The following B4GALT6 variants were observed in gnomAD, a reference collection of about 807,000 sequenced individuals.
B4GALT6 encodes UDP-Gal:beta-GlcNAc beta-1,4-galactosyltransferase 6.
In B4GALT6, 14 loss-of-function variants were observed where a neutral mutation model predicts 46.3. The observed-to-expected ratio is 0.30, with a 90% CI of 0.20 to 0.47. The LOEUF is 0.47. B4GALT6 is among the 20% of genes least tolerant of loss of function. The pLI, the probability that B4GALT6 is intolerant of heterozygous loss-of-function variation, is 0.99. For missense variants in B4GALT6, 386 were observed against 480.1 expected (o/e 0.80, Z 1.83); for synonymous variants, 168 against 162.0 (o/e 1.04, Z -0.28).
chr18:31,675,193 T>C (rs1254998817), intron 1 of B4GALT6, among the ~76,000 whole-genome samples: 1 of 152,246 alleles, frequency 6.6e-6, no homozygotes, highest in Non-Finnish European at 1.5e-5. Context: ...AATTTTAAGT[T>C]ATTTCTGGAG....
At chr18:31,649,740 GA>G (rs1286657740) in intron 3 of B4GALT6, among the ~76,000 whole-genome samples, 2 of 152,092 alleles carry the variant, frequency 1.3e-5, no homozygotes, top group African/African-American at 4.8e-5. Context: ...AGCCATTATT[GA>G]AAAGTGAAAA....
intron 4 of B4GALT6, among the ~76,000 whole-genome samples, chr18:31,642,099 G>C (rs2073936857): frequency 1.3e-5 from 2 of 152,190 alleles, no homozygotes; most frequent in Admixed American, 6.5e-5. Context: ...TCAAACTGGA[G>C]GCACTTGGTT....
chr18:31,679,822 G>T (rs1439136440), intron 1 of B4GALT6, among the ~76,000 whole-genome samples: 2 of 152,166 alleles, frequency 1.3e-5, no homozygotes, highest in African/African-American at 4.8e-5. Flanking sequence ...CTACCTGAAT[G>T]TCTAAGCTAG....
At chr18:31,679,694 T>A (rs1236192801) in intron 1 of B4GALT6, among the ~76,000 whole-genome samples, 1 of 152,220 alleles carries the variant, frequency 6.6e-6, no homozygotes, top group East Asian at 1.9e-4. Context: ...AGCACGCCCT[T>A]ACTTTCATCT....
chr18:31,689,485 C>G (rs1328068276), upstream of B4GALT6, among the ~76,000 whole-genome samples: 1 of 152,264 alleles, frequency 6.6e-6, no homozygotes, highest in East Asian at 1.9e-4. Flanking sequence ...TGGTTCATGC[C>G]TGTAATCCCA....
chr18:31,683,551 T>C (rs184062439), intron 1 of B4GALT6, among the ~76,000 whole-genome samples: 653 of 152,284 alleles, frequency 4.3e-3, no homozygotes, highest in Middle Eastern at 0.01. Flanking sequence ...TTCGGATATT[T>C]AATAAAGAAG....
the B4GALT6 span, among the ~76,000 whole-genome samples, chr18:31,698,479 A>G: frequency 6.6e-6 from 1 of 151,788 alleles, no homozygotes; most frequent in Non-Finnish European, 1.5e-5. Flanking sequence ...AAAATACAAA[A>G]CAATTAGCCA....
At chr18:31,648,386 C>T (rs1036641020) in intron 3 of B4GALT6, among the ~76,000 whole-genome samples, 6 of 152,100 alleles carry the variant, frequency 3.9e-5, no homozygotes, top group East Asian at 1.9e-4. Flanking sequence ...TTGAAGGTGG[C>T]GCTGGGGTTA....
the B4GALT6 span, among the ~76,000 whole-genome samples, chr18:31,690,852 A>G: frequency 1.3e-5 from 2 of 152,196 alleles, no homozygotes; most frequent in Admixed American, 6.5e-5. Context: ...TTTCAGGGTC[A>G]TGGATGAAGC....
intron 1 of B4GALT6, among the ~76,000 whole-genome samples, chr18:31,674,847 G>C (rs556334226): frequency 6.6e-6 from 1 of 151,516 alleles, no homozygotes; most frequent in Non-Finnish European, 1.5e-5. Flanking sequence ...GATGTGCCAG[G>C]CTGTTTAAAA....
chr18:31,722,553 GC>G, the B4GALT6 span, among the ~76,000 whole-genome samples: 5 of 152,132 alleles, frequency 3.3e-5, no homozygotes, highest in African/African-American at 4.8e-5. Context: ...TGATTGTTCT[GC>G]CCCCTAGAGG....
chr18:31,638,615 T>C, intron 5 of B4GALT6, 29 bp downstream of exon 5: 4 of 1,485,522 alleles, frequency 2.7e-6, no homozygotes, highest in Non-Finnish European at 3.8e-6. Flanking sequence ...TCTAGTATAC[T>C]TAGTGACCAC....
At chr18:31,687,675 T>C (rs1225154055), upstream of B4GALT6, among the ~76,000 whole-genome samples, 3 of 152,246 alleles carry the variant, frequency 2.0e-5, no homozygotes. Context: ...TTTTATTTAA[T>C]GGCTTTGTTC....
At chr18:31,700,356 A>G in the B4GALT6 span, among the ~76,000 whole-genome samples, 1 of 152,040 alleles carries the variant, frequency 6.6e-6, no homozygotes, top group South Asian at 2.1e-4. Flanking sequence ...TAACTAAAAT[A>G]TATGTGAAAC....
chr18:31,678,321 G>C (rs2074438622), intron 1 of B4GALT6, among the ~76,000 whole-genome samples: 1 of 152,104 alleles, frequency 6.6e-6, no homozygotes, highest in Admixed American at 6.5e-5. Flanking sequence ...TTAGAAGACT[G>C]GTCTTTTTTT....
intron 2 of B4GALT6, among the ~76,000 whole-genome samples, chr18:31,662,272 G>C (rs375672926): frequency 2.1e-4 from 32 of 152,102 alleles, no homozygotes; most frequent in Non-Finnish European, 4.1e-4. Context: ...CTCCTAAGGA[G>C]CTCAACTCAC....
chr18:31,709,603 G>GTGTGTGTGTGTGTGTA, the B4GALT6 span, among the ~76,000 whole-genome samples: 1 of 135,538 alleles, frequency 7.4e-6, no homozygotes, highest in African/African-American at 3.0e-5. Context: ...GTGTGTGTGT[G>GTGTGTGTGTGTGTGTA]TATATATATA....
At chr18:31,659,653 T>C (rs1400737489) in intron 2 of B4GALT6, among the ~76,000 whole-genome samples, 1 of 152,126 alleles carries the variant, frequency 6.6e-6, no homozygotes, top group Non-Finnish European at 1.5e-5. Flanking sequence ...TAGAGATCAA[T>C]GATGGTACAA....
At chr18:31,662,984 C>T (rs1397377297) in intron 2 of B4GALT6, among the ~76,000 whole-genome samples, 1 of 152,102 alleles carries the variant, frequency 6.6e-6, no homozygotes, top group Non-Finnish European at 1.5e-5. Context: ...ATTTGGGAAC[C>T]ACCACAACTG....
Sources: gnomAD v4.1 joint callset for allele counts (sites outside exome capture counted in the v4.1 genomes callset) on GRCh38, gnomAD v4.1.1 for gene constraint, MANE v1.5 for transcripts, NCBI Gene and HGNC (gene_info 2026-07-23, HGNC 2026-07-21) for gene names.